The following CCBE1 variants were observed in gnomAD, a reference collection of about 807,000 sequenced individuals.
CCBE1 encodes the protein collagen and calcium binding EGF domains 1, also known as collagen and calcium-binding EGF domain-containing protein 1.
CCBE1 carries 37 observed loss-of-function variants against 50.0 expected under a neutral mutation model. The observed-to-expected ratio is 0.74, with a 90% CI of 0.57 to 0.97. The LOEUF is 0.97. Ranked by LOEUF, CCBE1 falls within the 50% of genes least tolerant of loss-of-function variation. The probability of loss-of-function intolerance (pLI) is 0.00; values close to 1 mark genes in which losing one functional copy is unlikely to be tolerated. For synonymous variants in CCBE1, 234 were observed against 203.7 expected (o/e 1.15, Z -1.27); for missense variants, 538 against 523.8 (o/e 1.03, Z -0.26).
intron 2 of CCBE1, among the ~76,000 whole-genome samples, chr18:59,674,231 C>A (rs1032756932): frequency 7.2e-5 from 11 of 152,100 alleles, no homozygotes; most frequent in African/African-American, 2.2e-4. Context: ...AACCCAAATG[C>A]CCATCAATGA....
At chr18:59,487,740 C>A (rs637080) in intron 2 of CCBE1, among the ~76,000 whole-genome samples, 17 of 152,150 alleles carry the variant, frequency 1.1e-4, no homozygotes, top group African/African-American at 4.1e-4. Context: ...CTTGCTAACA[C>A]GTACAATTAC....
At chr18:59,459,995 A>G (rs990114806) in intron 5 of CCBE1, among the ~76,000 whole-genome samples, 1 of 152,238 alleles carries the variant, frequency 6.6e-6, no homozygotes, top group African/African-American at 2.4e-5. Context: ...GTTATCAGAA[A>G]ATAAACAAAA....
intron 2 of CCBE1, among the ~76,000 whole-genome samples, chr18:59,544,130 T>C (rs1490847437): frequency 5.3e-5 from 8 of 152,188 alleles, no homozygotes; most frequent in African/African-American, 7.2e-5. Flanking sequence ...AAAATATCTA[T>C]CAGAAGATAA....
chr18:59,663,567 C>T (rs866454960), intron 2 of CCBE1, among the ~76,000 whole-genome samples: 27 of 152,052 alleles, frequency 1.8e-4, no homozygotes, highest in Admixed American at 3.3e-4. Context: ...TTGATGTCAG[C>T]GGGTAGACCA....
chr18:59,661,504 T>A (rs72966930), intron 2 of CCBE1, among the ~76,000 whole-genome samples: 1 of 152,306 alleles, frequency 6.6e-6, no homozygotes, highest in Non-Finnish European at 1.5e-5. Context: ...CAATCCTCAT[T>A]ACTCAGGTAG....
At chr18:59,525,763 T>TAAC (rs1914793681) in intron 2 of CCBE1, among the ~76,000 whole-genome samples, 1 of 152,206 alleles carries the variant, frequency 6.6e-6, no homozygotes, top group African/African-American at 2.4e-5. Flanking sequence ...TGAGTTAATT[T>TAAC]TTGTTTAAGG....
intron 2 of CCBE1, among the ~76,000 whole-genome samples, chr18:59,652,361 T>C (rs922748937): frequency 3.8e-4 from 58 of 152,212 alleles, no homozygotes; most frequent in Admixed American, 7.9e-4. Context: ...AATAGCACCG[T>C]TGGGACTCTG....
intron 5 of CCBE1, chr18:59,459,078 G>A (rs752936748): frequency 6.6e-6 from 1 of 152,226 alleles, no homozygotes; most frequent in African/African-American, 2.4e-5. Context: ...CGAGGAGCCA[G>A]TGATAAGATA....
chr18:59,668,418 A>AAATAAT (rs58896218), intron 2 of CCBE1, among the ~76,000 whole-genome samples: 1,846 of 150,310 alleles, frequency 0.012, 35 homozygotes, highest in African/African-American at 0.043. Flanking sequence ...CTCCATCTCA[A>AAATAAT]AATAATAATA....
intron 2 of CCBE1, among the ~76,000 whole-genome samples, chr18:59,584,743 G>A (rs193182722): frequency 6.6e-6 from 1 of 152,214 alleles, no homozygotes; most frequent in Non-Finnish European, 1.5e-5. Context: ...AAAGTTTCCC[G>A]AGGCCTCCCC....
At chr18:59,659,117 G>A (rs1197073797) in intron 2 of CCBE1, among the ~76,000 whole-genome samples, 1 of 152,262 alleles carries the variant, frequency 6.6e-6, no homozygotes, top group South Asian at 2.1e-4. Flanking sequence ...CACATTATGT[G>A]TAAGTTGCTG....
At chr18:59,542,028 T>C (rs1054187674) in intron 2 of CCBE1, among the ~76,000 whole-genome samples, 3 of 151,716 alleles carry the variant, frequency 2.0e-5, no homozygotes, top group African/African-American at 7.3e-5. Flanking sequence ...ATACAAAAAT[T>C]AGCCGGGTAT....
intron 2 of CCBE1, among the ~76,000 whole-genome samples, chr18:59,646,990 T>C (rs1457475801): frequency 4.6e-5 from 7 of 152,366 alleles, no homozygotes; most frequent in Middle Eastern, 3.4e-3. Flanking sequence ...CAGGCTCTGA[T>C]CTTTCCGTGG....
chr18:59,453,197 G>C (rs1250928712), intron 6 of CCBE1, among the ~76,000 whole-genome samples: 2 of 152,208 alleles, frequency 1.3e-5, no homozygotes, highest in Admixed American at 1.3e-4. Context: ...TACTTCCAGG[G>C]AAGGAAAGTG....
At chr18:59,482,098 CCATGTGTT>C (rs1912598224) in intron 2 of CCBE1, among the ~76,000 whole-genome samples, 1 of 152,180 alleles carries the variant, frequency 6.6e-6, no homozygotes, top group South Asian at 2.1e-4. Flanking sequence ...GTCCCTGTGT[CCATGTGTT>C]CTCATTGTTC....
intron 2 of CCBE1, among the ~76,000 whole-genome samples, chr18:59,681,799 T>C (rs879699237): frequency 6.6e-6 from 1 of 152,216 alleles, no homozygotes; most frequent in Non-Finnish European, 1.5e-5. Context: ...AAGATGGCTA[T>C]CATGTTTGTA....
intron 2 of CCBE1, among the ~76,000 whole-genome samples, chr18:59,608,475 C>A (rs1469778003): frequency 6.6e-6 from 1 of 152,088 alleles, no homozygotes; most frequent in Non-Finnish European, 1.5e-5. Flanking sequence ...GAAGAGTCAC[C>A]CTCAGCCCTT....
At chr18:59,471,581 A>G (rs529453684) in intron 3 of CCBE1, among the ~76,000 whole-genome samples, 83 of 152,246 alleles carry the variant, frequency 5.5e-4, no homozygotes, top group Non-Finnish European at 9.7e-4. Flanking sequence ...AATTAAAAGA[A>G]TTACCTTGTA....
At chr18:59,577,001 G>C (rs1343885297) in intron 2 of CCBE1, among the ~76,000 whole-genome samples, 1 of 152,206 alleles carries the variant, frequency 6.6e-6, no homozygotes, top group African/African-American at 2.4e-5. Flanking sequence ...AGAAAACATG[G>C]TACTAAGCTA....
Sources: allele counts gnomAD v4.1 joint callset (sites outside exome capture counted in the v4.1 genomes callset), GRCh38; gene constraint gnomAD v4.1.1; transcripts MANE v1.5; gene names NCBI Gene and HGNC (gene_info 2026-07-23, HGNC 2026-07-21).